The following PCDHA8 variants were observed in gnomAD, a reference collection of about 807,000 sequenced individuals.
The protein encoded by PCDHA8 is protocadherin alpha-8.
In PCDHA8, 53 loss-of-function variants were observed where a neutral mutation model predicts 61.8. The observed-to-expected ratio is 0.86, with a 90% CI of 0.69 to 1.08. The LOEUF (loss-of-function observed/expected upper bound fraction) is 1.08, where lower values mean the gene tolerates loss of function less well. PCDHA8 is among the 50% of genes least tolerant of loss of function. The pLI, the probability that PCDHA8 is intolerant of heterozygous loss-of-function variation, is 0.00. For missense variants in PCDHA8, 1,293 were observed against 1,245.0 expected (o/e 1.04, Z -0.58); for synonymous variants, 618 against 556.6 (o/e 1.11, Z -1.55).
Position 140,882,762 on chromosome 5 carries a change from A to G in PCDHA8, c.2394+39047A>G, listed in dbSNP as rs2059298878. 1.9e-6 allele frequency: 3 copies of G among 1,614,200 alleles called. No individual in the cohort carries two copies. The East Asian group carries it at 6.7e-5, about 36-fold the overall frequency. On this transcript the variant is annotated intron_variant, in intron 1 of 3. Transcript: ENST00000531613. ...GCATCCGATGCAGATATTGGAGTAA[A>G]CTCGGCATTGACCTACCGACTGGAT... is the stretch of plus-strand genomic sequence containing the variant.
chr5:140,850,106 G>A lies in PCDHA8; in HGVS notation c.2394+6391G>A, dbSNP rs2150467412. 3.5e-5 allele frequency: 56 copies of A among 1,596,106 alleles called. 1 individual carries two copies. Among genetic ancestry groups the A allele is most frequent in the African/African-American group, 4.0e-5 (3 of 74,354 alleles). ...AGCTGCTACAGTTCCAGGTGAGCGC[G>A]CGCGACGCGGGCGTGCCGCCTCTGG... is the stretch of plus-strand genomic sequence containing the variant. On this transcript the variant is annotated intron_variant, in intron 1 of 3. Transcript: ENST00000531613.
chr5:140,982,483 A>G lies in PCDHA8; in HGVS notation c.2462A>G (p.His821Arg). Residue 821 changes from histidine (H) to arginine (R), a missense_variant, in exon 3 of 4, where the codon CAC (histidine) becomes CGC (arginine). His to Arg is a conservative substitution (Grantham distance 29, BLOSUM62 0). Transcript: ENST00000531613. ...SLRAGMHSSV[H>R]LEEAGILRAG... ...TCTGTGTGTTTATTCAGCTCTGTGC[A>G]CCTAGAGGAGGCTGGCATTCTACGG... The G allele has an allele frequency of 1.2e-6, 2 of 1,614,142 alleles. No homozygotes were observed. Among genetic ancestry groups the G allele is most frequent in the Non-Finnish European group, 1.7e-6 (2 of 1,180,016 alleles).
At chr5:140,968,907 C>G in intron 1 of PCDHA8, 1 of 1,614,180 alleles carries the variant, frequency 6.2e-7, no homozygotes. Context: ...GCATTAAGCA[C>G]AGTGTCTTTT....
Position 140,841,625 on chromosome 5 carries a change from T to C in PCDHA8, c.304T>C (p.Cys102Arg), listed in dbSNP as rs1425270500. The C allele has an allele frequency of 1.9e-6, 3 of 1,614,028 alleles. No homozygotes were observed. The highest frequency in any genetic ancestry group is 1.3e-5 in the African/African-American group (1 of 74,994). ...REELCGRSAE[C>R]SIHLEVIVDR... ...GGAGCTGTGCGGGCGGAGCGCGGAG[T>C]GCAGCATCCACCTGGAGGTGATCGT... The change falls in exon 1 of 4, where the codon TGC becomes CGC. Residue 102 changes from cysteine (C) to arginine (R), a missense_variant. Coordinates refer to ENST00000531613, the MANE Select transcript of PCDHA8 (RefSeq NM_018911.3).
intron 1 of PCDHA8, among the ~76,000 whole-genome samples, chr5:140,890,853 C>T (rs1202284942): frequency 1.3e-5 from 2 of 152,058 alleles, no homozygotes; most frequent in Non-Finnish European, 2.9e-5. Flanking sequence ...GTTTCTCTTC[C>T]TTACTTCTTG....
chr5:140,890,739 C>T (rs1202760840), intron 1 of PCDHA8, among the ~76,000 whole-genome samples: 1 of 152,112 alleles, frequency 6.6e-6, no homozygotes, highest in Non-Finnish European at 1.5e-5. Flanking sequence ...GACTTATATA[C>T]TATTTCTGTC....
Position 140,877,703 on chromosome 5 carries a change from C to T in PCDHA8, c.2394+33988C>T, listed in dbSNP as rs781946062. On this transcript the variant is annotated intron_variant, in intron 1 of 3. Coordinates refer to ENST00000531613, the MANE Select transcript of PCDHA8 (RefSeq NM_018911.3). ...AAGCCCACGCTGGTGTGCTCCAGCG[C>T]CGTGGGGAGTTGGTCTTACTCGCAG... 4 of 1,613,986 alleles carry T rather than the reference C, an allele frequency of 2.5e-6. No individual in the cohort carries two copies. In the East Asian group the frequency reaches 8.9e-5, roughly 36 times the overall value.
In PCDHA8 at chr5:140,870,868, G is replaced by T. The variant is rs550915753; in HGVS notation, c.2394+27153G>T. 2.5e-6 allele frequency: 4 copies of T among 1,613,944 alleles called. No homozygotes were observed. The South Asian group carries it at 3.3e-5, about 13-fold the overall frequency. ...ACCGCGGTCGGTGGGTGCGGGCCAC[G>T]TGGTGGCGAAGGTGCGCGCAGTGGA... On this transcript the variant is annotated intron_variant, in intron 1 of 3. Coordinates refer to ENST00000531613, the MANE Select transcript of PCDHA8 (RefSeq NM_018911.3).
At chr5:140,993,894 A>G (rs1267639459) in intron 3 of PCDHA8, among the ~76,000 whole-genome samples, 2 of 152,204 alleles carry the variant, frequency 1.3e-5, no homozygotes, top group African/African-American at 4.8e-5. Flanking sequence ...TGATGTCCAT[A>G]CAACAAAAAT....
chr5:140,999,139 C>T lies in PCDHA8; in HGVS notation c.2543-10488C>T, dbSNP rs185453971. 2.6e-3 allele frequency among the ~76,000 whole-genome samples: 401 copies of T among 152,236 alleles called. 3 individuals carry two copies. The highest frequency in any genetic ancestry group is 5.8e-3 in the South Asian group (28 of 4,818). On this transcript the variant is annotated intron_variant, in intron 3 of 3. Coordinates refer to ENST00000531613, the MANE Select transcript of PCDHA8 (RefSeq NM_018911.3). ...TTTCTAAGCTGGAAAATGTCACAGCCGGAAGTCTTCAGTCCCCTAGAAGGA... is the reference window on the plus strand; with the variant it reads ...TTTCTAAGCTGGAAAATGTCACAGCTGGAAGTCTTCAGTCCCCTAGAAGGA...
At chr5:140,970,442 A>G (rs1003756532) in intron 1 of PCDHA8, among the ~76,000 whole-genome samples, 3 of 152,182 alleles carry the variant, frequency 2.0e-5, no homozygotes, top group Non-Finnish European at 4.4e-5. Flanking sequence ...TAGTATATGC[A>G]CTAGTTTTGA....
intron 1 of PCDHA8, among the ~76,000 whole-genome samples, chr5:140,922,848 C>T (rs1345344826): frequency 2.6e-5 from 4 of 151,962 alleles, no homozygotes; most frequent in African/African-American, 9.7e-5. Flanking sequence ...TCAAAGAGAC[C>T]AAATACATAG....
chr5:140,928,452 G>A (rs1284379241), intron 1 of PCDHA8: 1 of 1,614,008 alleles, frequency 6.2e-7, no homozygotes, highest in Non-Finnish European at 8.5e-7. Flanking sequence ...AGCTCAGGGG[G>A]TTTCATTTCC....
intron 1 of PCDHA8, among the ~76,000 whole-genome samples, chr5:140,896,282 A>G (rs1326876303): frequency 2.0e-5 from 3 of 152,224 alleles, no homozygotes; most frequent in Non-Finnish European, 4.4e-5. Context: ...GCTGGCTTGA[A>G]TGGTAAGTTC....
At chr5:140,941,317 CTCT>C (rs2093029316) in intron 1 of PCDHA8, among the ~76,000 whole-genome samples, 2 of 99,150 alleles carry the variant, frequency 2.0e-5, no homozygotes, top group Non-Finnish European at 4.2e-5. Flanking sequence ...TTTCTTCTTT[CTCT>C]TTTTTTTTTT....
intron 1 of PCDHA8, chr5:140,884,243 C>A: frequency 6.2e-7 from 1 of 1,613,466 alleles, no homozygotes; most frequent in Non-Finnish European, 8.5e-7. Flanking sequence ...TGAGCCCGCG[C>A]TGACGGCCAC....
At chr5:140,850,576 T>C (rs1554144521) in intron 1 of PCDHA8, 1 of 1,598,296 alleles carries the variant, frequency 6.3e-7, no homozygotes, top group East Asian at 2.2e-5. Flanking sequence ...GTGACGCTGG[T>C]GGATGTCAAC....
Position 140,849,718 on chromosome 5 carries a change from T to C in PCDHA8, c.2394+6003T>C, listed in dbSNP as rs2150446533. The C allele has an allele frequency of 2.5e-6, 4 of 1,598,570 alleles. 1 individual carries two copies. Among genetic ancestry groups the C allele is most frequent in the Non-Finnish European group, 3.4e-6 (4 of 1,168,006 alleles). On this transcript the variant is annotated intron_variant, in intron 1 of 3. Coordinates refer to ENST00000531613, the MANE Select transcript of PCDHA8 (RefSeq NM_018911.3). Reference sequence around the variant, plus strand: ...ACCTACAAGAATTACTACTCGTTGGTGCTGGACAGAGCTCTGGACCGCGAG... The same window carrying C: ...ACCTACAAGAATTACTACTCGTTGGCGCTGGACAGAGCTCTGGACCGCGAG...
At chr5:140,968,341 C>T in intron 1 of PCDHA8, 1 of 1,614,132 alleles carries the variant, frequency 6.2e-7, no homozygotes, top group Non-Finnish European at 8.5e-7. Context: ...TCTCCATTAA[C>T]AGTGCCAGTG....
Sources: allele counts gnomAD v4.1 joint callset (sites outside exome capture counted in the v4.1 genomes callset), GRCh38; gene constraint gnomAD v4.1.1; transcripts MANE v1.5; gene names NCBI Gene and HGNC (gene_info 2026-07-23, HGNC 2026-07-21).